Variants in PPP1R9A observed in about 807,000 individuals in gnomAD.
The protein encoded by PPP1R9A is protein phosphatase 1 regulatory subunit 9A, also known as neurabin-1.
Under a neutral mutation model 141.9 loss-of-function variants are expected in PPP1R9A, and 59 were observed. The observed-to-expected ratio is 0.42, with a 90% CI of 0.34 to 0.52. The LOEUF (loss-of-function observed/expected upper bound fraction) is 0.52, where lower values mean the gene tolerates loss of function less well. Ranked by LOEUF, PPP1R9A falls within the 20% of genes least tolerant of loss-of-function variation. The probability of loss-of-function intolerance (pLI) is 0.10; values close to 1 mark genes in which losing one functional copy is unlikely to be tolerated. For synonymous variants in PPP1R9A, 500 were observed against 569.7 expected, an observed-to-expected ratio of 0.88 and a Z score of 1.74; for missense variants, 1,444 against 1,611.9, an observed-to-expected ratio of 0.90 and a Z score of 1.78.
chr7:95,048,783 G>A (rs1810390234), intron 2 of PPP1R9A, among the ~76,000 whole-genome samples: 1 of 152,068 alleles, frequency 6.6e-6, no homozygotes, highest in African/African-American at 2.4e-5. Context: ...CTGACCTTGT[G>A]ATCTGCGCAC....
At chr7:94,948,147 G>A (rs972715391) in intron 2 of PPP1R9A, among the ~76,000 whole-genome samples, 2 of 151,982 alleles carry the variant, frequency 1.3e-5, no homozygotes, top group Non-Finnish European at 2.9e-5. Flanking sequence ...GTATGGGTCC[G>A]TAGGAATATA....
At position 95,197,565 on chromosome 7, in the gene PPP1R9A, C is replaced by CA. The variant is rs776373408; in HGVS notation, c.1755-778dup. 7.4e-4 allele frequency among the ~76,000 whole-genome samples: 113 copies of CA among 152,164 alleles called. 1 individual carries two copies. Among genetic ancestry groups the CA allele is most frequent in the Non-Finnish European group, 9.4e-4 (64 of 67,958 alleles). On this transcript the variant is annotated intron_variant, in intron 5 of 19. Transcript: ENST00000433360. ...TTATTACAGTTTTTCATTTTAAAAA[C>CA]AAAAAACACTTAAGTTTTCCTTTTC... is the stretch of plus-strand genomic sequence containing the variant.
At chr7:95,055,274 C>T (rs1029379239) in intron 2 of PPP1R9A, among the ~76,000 whole-genome samples, 2 of 148,432 alleles carry the variant, frequency 1.3e-5, no homozygotes, top group Admixed American at 6.6e-5. Flanking sequence ...TATTTTCCAA[C>T]CTCCCCATTT....
At chr7:95,138,572 A>T (rs1361948518) in intron 4 of PPP1R9A, among the ~76,000 whole-genome samples, 1 of 152,216 alleles carries the variant, frequency 6.6e-6, no homozygotes, top group Non-Finnish European at 1.5e-5. Context: ...CACAGTTAAG[A>T]ACTGAAAAGC....
At chr7:95,243,350 C>G (rs1478285097) in intron 8 of PPP1R9A, among the ~76,000 whole-genome samples, 1 of 152,102 alleles carries the variant, frequency 6.6e-6, no homozygotes, top group East Asian at 1.9e-4. Flanking sequence ...GTTCATGTAT[C>G]CTCAGTGATT....
At chr7:95,285,762 A>G (rs1198820885) in intron 17 of PPP1R9A, among the ~76,000 whole-genome samples, 3 of 152,198 alleles carry the variant, frequency 2.0e-5, no homozygotes, top group Non-Finnish European at 2.9e-5. Flanking sequence ...CACAGCCAAC[A>G]ATAAGCGATC....
chr7:95,252,467 ATTTTTTTTT>A (rs71127405), intron 12 of PPP1R9A, among the ~76,000 whole-genome samples: 1 of 107,028 alleles, frequency 9.3e-6, no homozygotes, highest in Non-Finnish European at 1.9e-5. Context: ...TAAGGTTTAG[ATTTTTTTTT>A]TTTTTTTTTT....
intron 2 of PPP1R9A, among the ~76,000 whole-genome samples, chr7:94,998,499 G>A (rs936915792): frequency 6.6e-6 from 1 of 152,088 alleles, no homozygotes; most frequent in Non-Finnish European, 1.5e-5. Context: ...TTCTTAGTCA[G>A]CTTGATTTTT....
chr7:95,114,150 A>G (rs1302694720), intron 3 of PPP1R9A, among the ~76,000 whole-genome samples: 1 of 152,192 alleles, frequency 6.6e-6, no homozygotes, highest in African/African-American at 2.4e-5. Flanking sequence ...TATAAATTGT[A>G]GCATATCTAG....
At chr7:95,219,569 A>G (rs1253683653) in intron 7 of PPP1R9A, among the ~76,000 whole-genome samples, 1 of 152,102 alleles carries the variant, frequency 6.6e-6, no homozygotes, top group African/African-American at 2.4e-5. Context: ...AGTGTTTTCC[A>G]ACTTGGTTCC....
At chr7:95,153,627 AAC>A (rs1422069313) in intron 4 of PPP1R9A, among the ~76,000 whole-genome samples, 1 of 152,194 alleles carries the variant, frequency 6.6e-6, no homozygotes, top group South Asian at 2.1e-4. Flanking sequence ...TAAATTTTTA[AAC>A]AGTTTTTAAT....
At position 95,237,510 on chromosome 7, in the gene PPP1R9A, A is replaced by G. The variant is rs181031030; in HGVS notation, c.2113-9963A>G. Among the ~76,000 whole-genome samples the G allele has an allele frequency of 3.9e-5, 6 of 152,036 alleles. No homozygotes were observed. In the East Asian group the frequency reaches 1.2e-3, roughly 29 times the overall value. ...CATGCCCAGCCATATTTTTTTATAT[A>G]TAAATAAGATTAATAATACAAACAC... On this transcript the variant is annotated intron_variant, in intron 8 of 19. Coordinates refer to ENST00000433360, the MANE Select transcript of PPP1R9A (RefSeq NM_001166160.2).
intron 5 of PPP1R9A, among the ~76,000 whole-genome samples, chr7:95,182,157 A>G (rs535044525): frequency 5.9e-5 from 9 of 151,764 alleles, no homozygotes; most frequent in African/African-American, 2.2e-4. Context: ...CCTGTACCCC[A>G]ATAAACTGAA....
chr7:95,104,998 C>T (rs1017751428), intron 2 of PPP1R9A, among the ~76,000 whole-genome samples: 4 of 152,182 alleles, frequency 2.6e-5, no homozygotes, highest in African/African-American at 9.7e-5. Flanking sequence ...ATCTGAAACT[C>T]AGCATGCTAG....
chr7:95,270,692 G>A (rs1244282044), intron 14 of PPP1R9A, among the ~76,000 whole-genome samples: 1 of 151,914 alleles, frequency 6.6e-6, no homozygotes, highest in Admixed American at 6.6e-5. Context: ...CATAGCACTG[G>A]GCCTTTGTTC....
chr7:95,104,752 A>G (rs995804471), intron 2 of PPP1R9A, among the ~76,000 whole-genome samples: 1 of 152,232 alleles, frequency 6.6e-6, no homozygotes, highest in Admixed American at 6.5e-5. Flanking sequence ...ACATTGCTCT[A>G]AAGCTATTAG....
chr7:95,219,555 A>C (rs571145028), intron 7 of PPP1R9A, among the ~76,000 whole-genome samples: 1 of 152,074 alleles, frequency 6.6e-6, no homozygotes, highest in African/African-American at 2.4e-5. Flanking sequence ...ATAATATCCT[A>C]CAGAGTGTTT....
intron 12 of PPP1R9A, among the ~76,000 whole-genome samples, chr7:95,260,603 C>T (rs967081350): frequency 6.6e-6 from 1 of 150,828 alleles, no homozygotes; most frequent in Non-Finnish European, 1.5e-5. Flanking sequence ...CACCTGAACC[C>T]GGGAGGCGGA....
intron 2 of PPP1R9A, among the ~76,000 whole-genome samples, chr7:94,968,715 G>T (rs905263168): frequency 1.6e-4 from 25 of 152,016 alleles, no homozygotes; most frequent in African/African-American, 5.3e-4. Flanking sequence ...AGTTCTCCTG[G>T]ATAATATCCT....
Sources: gnomAD v4.1 joint callset for allele counts (sites outside exome capture counted in the v4.1 genomes callset) on GRCh38, gnomAD v4.1.1 for gene constraint, MANE v1.5 for transcripts, NCBI Gene and HGNC (gene_info 2026-07-23, HGNC 2026-07-21) for gene names.